Variants in RFX7 observed in about 807,000 individuals in gnomAD.
RFX7 encodes DNA-binding protein RFX7.
A neutral mutation model predicts 111.8 loss-of-function variants in RFX7; 26 were observed. That is an observed-to-expected ratio of 0.23 (90% CI 0.17 to 0.32). RFX7 has a LOEUF of 0.32. Among genes scored for constraint, RFX7 ranks in the 10% least tolerant of loss-of-function variants. The pLI, the probability that RFX7 is intolerant of heterozygous loss-of-function variation, is 1.00. For synonymous variants in RFX7, 624 were observed against 624.4 expected (o/e 1.00, Z 0.01); for missense variants, 1,573 against 1,772.9 (o/e 0.89, Z 2.02).
At chr15:56,114,061 ACT>A (rs1249358323) in intron 5 of RFX7, among the ~76,000 whole-genome samples, 3 of 152,124 alleles carry the variant, frequency 2.0e-5, no homozygotes, top group Non-Finnish European at 2.9e-5. Flanking sequence ...AGATCTTAAG[ACT>A]CTGGAGAGAA....
intron 2 of RFX7, among the ~76,000 whole-genome samples, chr15:56,180,356 A>G (rs1192571121): frequency 2.0e-5 from 3 of 152,310 alleles, no homozygotes; most frequent in South Asian, 2.1e-4. Context: ...GACTAAAAAG[A>G]GCAAAAAAAA....
rs1490051696 is a variant in RFX7 at position 56,090,440 on chromosome 15, A to C, written c.*2905T>G. 1.3e-5 allele frequency: 2 copies of C among 152,474 alleles called. No homozygotes were observed. The highest frequency in any genetic ancestry group is 4.8e-5 in the African/African-American group (2 of 41,452). The allele number at this position is 152,474 out of a possible 1,614,324, so 9.4% of individuals were successfully genotyped here. Reference sequence around the variant, plus strand: ...CTGCTCATTTTTATTCACTCCCTAAAGTTAATGACATCAAAGGAAGAATAA... The same window carrying C: ...CTGCTCATTTTTATTCACTCCCTAACGTTAATGACATCAAAGGAAGAATAA... On this transcript the variant is annotated 3_prime_UTR_variant, in exon 10 of 10. Coordinates refer to ENST00000559447, the MANE Select transcript of RFX7 (RefSeq NM_022841.7).
chr15:56,241,496 G>A (rs1172899628), intron 2 of RFX7, among the ~76,000 whole-genome samples: 1 of 151,860 alleles, frequency 6.6e-6, no homozygotes, highest in African/African-American at 2.4e-5. Context: ...CATTAACTTG[G>A]ATTTCCCACA....
intron 3 of RFX7, among the ~76,000 whole-genome samples, chr15:56,166,956 A>T (rs762634731): frequency 2.0e-5 from 3 of 152,064 alleles, no homozygotes; most frequent in Non-Finnish European, 4.4e-5. Flanking sequence ...TATTCCAAGG[A>T]GCATATTTTG....
intron 2 of RFX7, among the ~76,000 whole-genome samples, chr15:56,226,870 G>T (rs2043491248): frequency 6.6e-6 from 1 of 152,126 alleles, no homozygotes; most frequent in Non-Finnish European, 1.5e-5. Flanking sequence ...AAGAAAGGTA[G>T]CACCCAAAAC....
At chr15:56,187,324 C>T (rs2043051884) in intron 2 of RFX7, among the ~76,000 whole-genome samples, 1 of 151,840 alleles carries the variant, frequency 6.6e-6, no homozygotes, top group Non-Finnish European at 1.5e-5. Context: ...GATTCTCCTG[C>T]CTCGGCCTCC....
At chr15:56,109,481 T>C (rs1458965565) in intron 5 of RFX7, among the ~76,000 whole-genome samples, 7 of 151,924 alleles carry the variant, frequency 4.6e-5, no homozygotes, top group Non-Finnish European at 2.9e-5. Context: ...GTCTGGGAGG[T>C]GAGGAGCGTC....
At chr15:56,129,373 C>A (rs1457862911) in intron 5 of RFX7, among the ~76,000 whole-genome samples, 3 of 146,944 alleles carry the variant, frequency 2.0e-5, no homozygotes, top group Non-Finnish European at 4.5e-5. Flanking sequence ...GAGACTCCCC[C>A]TCAAAAAAAA....
At chr15:56,103,806 T>C (rs1391999223) in intron 5 of RFX7, 136 bp from the exon 6 acceptor site, 2 of 611,908 alleles carry the variant, frequency 3.3e-6, no homozygotes, top group Non-Finnish European at 5.8e-6. Context: ...ATGTCTATGA[T>C]CATCACTCTT....
intron 2 of RFX7, among the ~76,000 whole-genome samples, chr15:56,224,807 C>G (rs2043464684): frequency 6.6e-6 from 1 of 151,956 alleles, no homozygotes; most frequent in South Asian, 2.1e-4. Context: ...CTATTTTGTC[C>G]TACTTTTTGA....
intron 2 of RFX7, among the ~76,000 whole-genome samples, chr15:56,234,268 T>A (rs2043599023): frequency 1.3e-5 from 2 of 152,246 alleles, no homozygotes; most frequent in South Asian, 4.1e-4. Flanking sequence ...TTTAAAGTGG[T>A]AAGAATGTCT....
chr15:56,119,629 A>C (rs1458445052), intron 5 of RFX7, among the ~76,000 whole-genome samples: 1 of 151,930 alleles, frequency 6.6e-6, no homozygotes, highest in Non-Finnish European at 1.5e-5. Flanking sequence ...ATACAAAAAA[A>C]AATTAGGCAT....
At chr15:56,100,201 T>A (rs182163001) in intron 8 of RFX7, among the ~76,000 whole-genome samples, 1 of 152,336 alleles carries the variant, frequency 6.6e-6, no homozygotes, top group East Asian at 1.9e-4. Flanking sequence ...GTCTATAAAT[T>A]GGGAATAAAT....
intron 5 of RFX7, among the ~76,000 whole-genome samples, chr15:56,123,644 T>C (rs2042105534): frequency 6.6e-6 from 1 of 152,196 alleles, no homozygotes; most frequent in African/African-American, 2.4e-5. Flanking sequence ...GAGTTGCCTA[T>C]ACATTGCAGT....
rs117613238 is a variant in RFX7, at chr15:56,209,163, A to C, written c.162-29860T>G. Among the ~76,000 whole-genome samples, 23 of 152,146 alleles carry C rather than the reference A, an allele frequency of 1.5e-4. 1 individual carries two copies. In the East Asian group the frequency reaches 3.7e-3, roughly 24 times the overall value. Reference sequence around the variant, plus strand: ...ACTACAGAAAATCAAAGATAGAGAAAAAATCTTGAAAGAAGCTAGAGGAAA... The same window carrying C: ...ACTACAGAAAATCAAAGATAGAGAACAAATCTTGAAAGAAGCTAGAGGAAA... On this transcript the variant is annotated intron_variant, in intron 2 of 9. Transcript: ENST00000559447.
chr15:56,127,587 G>A (rs1209154356), intron 5 of RFX7, among the ~76,000 whole-genome samples: 7 of 145,358 alleles, frequency 4.8e-5, no homozygotes, highest in Admixed American at 7.0e-5. Context: ...TCGCTCTGTC[G>A]CCCAGGCTGG....
intron 2 of RFX7, 72 bp downstream of exon 2, chr15:56,243,053 G>A: frequency 1.9e-6 from 1 of 519,404 alleles, no homozygotes; most frequent in Non-Finnish European, 3.3e-6. Context: ...CCCCCCGCCC[G>A]CCGCCCCCCA....
In RFX7 at chr15:56,095,066, C is replaced by T. The variant is rs928972496; in HGVS notation, c.2662G>A (p.Val888Met). Residue 888 changes from valine (V) to methionine (M), a missense_variant, in exon 10 of 10, where the codon GTG becomes ATG. Transcript: ENST00000559447. ...FDDELTQDSIVEELVLMEQQM... is the reference protein window; with the variant it reads ...FDDELTQDSIMEELVLMEQQM... ...TGCTCCATAAGCACCAGCTCTTCCACAATACTATCTTGTGTAAGTTCATCA... is the reference window on the plus strand; with the variant it reads ...TGCTCCATAAGCACCAGCTCTTCCATAATACTATCTTGTGTAAGTTCATCA... 6.2e-7 allele frequency: 1 copy of T among 1,613,922 alleles called. No homozygotes were observed. The highest frequency in any genetic ancestry group is 8.5e-7 in the Non-Finnish European group (1 of 1,179,874).
chr15:56,243,599 G>A lies in RFX7; in HGVS notation c.-157C>T, dbSNP rs1212415477. On this transcript the variant is annotated 5_prime_UTR_variant, in exon 1 of 10. Coordinates refer to ENST00000559447, the MANE Select transcript of RFX7 (RefSeq NM_022841.7). ...CCGCCGCCTCCTCCCGTCAGCGGCCGGGGCTGTGGGGGGGTGAGATGGGGG... is the reference window on the plus strand; with the variant it reads ...CCGCCGCCTCCTCCCGTCAGCGGCCAGGGCTGTGGGGGGGTGAGATGGGGG... The A allele has an allele frequency of 4.2e-6, 2 of 471,586 alleles. No individual in the cohort carries two copies. Among genetic ancestry groups the A allele is most frequent in the Non-Finnish European group, 5.5e-6 (2 of 361,812 alleles). The allele number at this position is 471,586 out of a possible 1,614,324, so 29.2% of individuals were successfully genotyped here.
Sources: gnomAD v4.1 joint callset for allele counts (sites outside exome capture counted in the v4.1 genomes callset) on GRCh38, gnomAD v4.1.1 for gene constraint, MANE v1.5 for transcripts, NCBI Gene and HGNC (gene_info 2026-07-23, HGNC 2026-07-21) for gene names.